The following CCL18 variants were observed in gnomAD, a reference collection of about 807,000 sequenced individuals.
CCL18 encodes C-C motif chemokine ligand 18, also known as C-C motif chemokine 18.
A neutral mutation model predicts 8.0 loss-of-function variants in CCL18; 7 were observed. The observed-to-expected ratio is 0.87, with a 90% CI of 0.50 to 1.64. The LOEUF (loss-of-function observed/expected upper bound fraction) is 1.64. Ranked by LOEUF, CCL18 falls within the 40% of genes most tolerant of loss-of-function variation. The pLI is 0.00. For synonymous variants in CCL18, 35 were observed against 41.3 expected (o/e 0.85, Z 0.59); for missense variants, 95 against 107.8 (o/e 0.88, Z 0.52).
In CCL18 at chr17:36,070,965, G is replaced by C. The variant is rs751647990; in HGVS notation, c.194G>C (p.Arg65Thr). ...PKPGVILLTK[R>T]GRQICADPNK... The stretch of plus-strand genomic sequence containing the variant: ...CTTCTCCACAGCCTCCTAACCAAGA[G>C]AGGCCGGCAGATCTGTGCTGACCCC... Residue 65 changes from arginine (R) to threonine (T), a missense_variant, in exon 3 of 3, where the codon AGA becomes ACA. Arg to Thr is a moderately conservative substitution (Grantham distance 71). Coordinates refer to ENST00000616054, the MANE Select transcript of CCL18 (RefSeq NM_002988.4). The C allele has an allele frequency of 8.1e-6, 13 of 1,613,708 alleles. No individual in the cohort carries two copies. The Admixed American group carries it at 1.7e-4, about 21-fold the overall frequency.
At chr17:36,070,397 G>A (rs1322771462) in intron 1 of CCL18, 50 bp from the exon 2 acceptor site, 3 of 1,127,700 alleles carry the variant, frequency 2.7e-6, no homozygotes, top group East Asian at 4.7e-5. Flanking sequence ...GGAGCAGCTG[G>A]CTTGCCTTGT....
intron 1 of CCL18, among the ~76,000 whole-genome samples, chr17:36,067,728 T>A (rs1361973409): frequency 6.6e-6 from 1 of 152,110 alleles, no homozygotes; most frequent in South Asian, 2.1e-4. Context: ...TATGTTACAG[T>A]AGTGCATGAC....
chr17:36,068,155 G>A (rs1232458371), intron 1 of CCL18, among the ~76,000 whole-genome samples: 2 of 152,132 alleles, frequency 1.3e-5, no homozygotes, highest in African/African-American at 4.8e-5. Flanking sequence ...TTGTCATTAA[G>A]TGATGCATGG....
At position 36,071,318 on chromosome 17, in the gene CCL18, G is replaced by A. The variant is rs2066865534; in HGVS notation, c.*277G>A. On this transcript the variant is annotated 3_prime_UTR_variant, in exon 3 of 3. Coordinates refer to ENST00000616054, the MANE Select transcript of CCL18 (RefSeq NM_002988.4). ...CTTTCCCCTTTCCCTTCAACTCTTC[G>A]TACATTCAATGCATGGATCAATCAG... The A allele has an allele frequency of 7.0e-6, 3 of 427,546 alleles. No homozygotes were observed. The highest frequency in any genetic ancestry group is 8.2e-5 in the East Asian group (2 of 24,350). The allele number at this position is 427,546 out of a possible 1,614,324, so 26.5% of individuals were successfully genotyped here.
chr17:36,065,643 C>T (rs905941400), intron 1 of CCL18, among the ~76,000 whole-genome samples: 2 of 152,168 alleles, frequency 1.3e-5, no homozygotes, highest in Non-Finnish European at 2.9e-5. Flanking sequence ...AACCAGCATC[C>T]AGAACCTGAG....
At chr17:36,065,509 C>T (rs983165554) in intron 1 of CCL18, among the ~76,000 whole-genome samples, 7 of 152,168 alleles carry the variant, frequency 4.6e-5, no homozygotes, top group Non-Finnish European at 8.8e-5. Flanking sequence ...TATTTGCAGA[C>T]AGAAGGACTG....
At chr17:36,068,812 G>A (rs1252698895) in intron 1 of CCL18, among the ~76,000 whole-genome samples, 1 of 152,080 alleles carries the variant, frequency 6.6e-6, no homozygotes, top group Non-Finnish European at 1.5e-5. Context: ...TGACACAACT[G>A]AGCTGTTAAA....
chr17:36,070,887 G>A (rs999007702), intron 2 of CCL18, 64 bp from the exon 3 acceptor site: 42 of 1,204,964 alleles, frequency 3.5e-5, no homozygotes, highest in Non-Finnish European at 4.7e-5. Context: ...AGAGAAGGAC[G>A]CAGGGGCCAC....
intron 1 of CCL18, among the ~76,000 whole-genome samples, chr17:36,065,544 A>G (rs776190141): frequency 6.6e-6 from 1 of 152,172 alleles, no homozygotes; most frequent in Non-Finnish European, 1.5e-5. Flanking sequence ...CCAGGGTAAG[A>G]GCACCAGCTG....
chr17:36,069,253 G>C (rs2066852927), intron 1 of CCL18, among the ~76,000 whole-genome samples: 1 of 152,170 alleles, frequency 6.6e-6, no homozygotes, highest in Non-Finnish European at 1.5e-5. Flanking sequence ...ACCTGCCCTT[G>C]TGAGAAGGCA....
Position 36,070,435 on chromosome 17 carries a change from T to A in CCL18, c.68-12T>A, listed in dbSNP as rs2066859330. On this transcript the variant is annotated splice_polypyrimidine_tract_variant and intron_variant, in intron 1 of 2. Transcript: ENST00000616054. ...ACAATGACTTGGGATCTTTCTGTCC[T>A]GTCTCTTGCAGTTGGTACCAACAAA... 6.6e-7 allele frequency: 1 copy of A among 1,522,888 alleles called. No individual in the cohort carries two copies. The highest frequency in any genetic ancestry group is 1.7e-5 in the Admixed American group (1 of 59,874). The allele number at this position is 1,522,888 out of a possible 1,614,324, so 94.3% of individuals were successfully genotyped here.
chr17:36,069,345 G>A (rs1032949635), intron 1 of CCL18, among the ~76,000 whole-genome samples: 5 of 152,320 alleles, frequency 3.3e-5, no homozygotes, highest in African/African-American at 1.2e-4. Context: ...GGGATCAACT[G>A]AAGCATTCTT....
Position 36,068,176 on chromosome 17 carries a change from A to T in CCL18, c.68-2271A>T, listed in dbSNP as rs1025104651. Among the ~76,000 whole-genome samples, 10 of 152,272 alleles carry T rather than the reference A, an allele frequency of 6.6e-5. No individual in the cohort carries two copies. The South Asian group carries it at 1.2e-3, about 19-fold the overall frequency. On this transcript the variant is annotated intron_variant, in intron 1 of 2. Coordinates refer to ENST00000616054, the MANE Select transcript of CCL18 (RefSeq NM_002988.4). ...TTAAGTGATGCATGGCTGTATAAAT[A>T]AAAAAATACAAAATTAAAACCTGTA... is the stretch of plus-strand genomic sequence containing the variant.
At chr17:36,070,804 G>A (rs2066861494) in intron 2 of CCL18, 147 bp from the exon 3 acceptor site, 1 of 706,602 alleles carries the variant, frequency 1.4e-6, no homozygotes, top group South Asian at 1.6e-5. Flanking sequence ...GAGACATTTG[G>A]GGAAGGCCTG....
chr17:36,070,293 A>C, intron 1 of CCL18, 154 bp from the exon 2 acceptor site: 1 of 524,828 alleles, frequency 1.9e-6, no homozygotes, highest in East Asian at 3.2e-5. Flanking sequence ...GAAAAGAAGA[A>C]ATGCCAGCTT....
intron 1 of CCL18, among the ~76,000 whole-genome samples, chr17:36,069,984 T>G (rs1291390123): frequency 6.6e-6 from 1 of 152,120 alleles, no homozygotes; most frequent in Admixed American, 6.5e-5. Context: ...CCTAAGAGGT[T>G]TCAGCAACTC....
At chr17:36,070,819 C>T in intron 2 of CCL18, 132 bp from the exon 3 acceptor site, 2 of 761,002 alleles carry the variant, frequency 2.6e-6, no homozygotes, top group Non-Finnish European at 4.7e-6. Context: ...GGCCTGTGAA[C>T]CCCGAAGTTA....
Position 36,067,690 on chromosome 17 carries a change from A to G in CCL18, c.68-2757A>G, listed in dbSNP as rs2066844686. On this transcript the variant is annotated intron_variant, in intron 1 of 2. Transcript: ENST00000616054. ...CAACAGAGTGAGACTCCATCTAAAA[A>G]AAAAGGAAAAATTGAAACCAACCCA... Among the ~76,000 whole-genome samples, 4 of 152,198 alleles carry G rather than the reference A, an allele frequency of 2.6e-5. No homozygotes were observed. In the South Asian group the frequency reaches 8.3e-4, roughly 31 times the overall value.
At chr17:36,069,748 T>C (rs2066855955) in intron 1 of CCL18, among the ~76,000 whole-genome samples, 2 of 152,116 alleles carry the variant, frequency 1.3e-5, no homozygotes, top group African/African-American at 4.8e-5. Context: ...GAGCTCACAC[T>C]CTGCCCAGCA....
Sources: allele counts gnomAD v4.1 joint callset (sites outside exome capture counted in the v4.1 genomes callset), GRCh38; gene constraint gnomAD v4.1.1; transcripts MANE v1.5; gene names NCBI Gene and HGNC (gene_info 2026-07-23, HGNC 2026-07-21).